SMPD4: variants seen among roughly 807,000 people sequenced by gnomAD.
SMPD4 encodes the protein neutral sphingomyelinase 3.
SMPD4 carries 58 observed loss-of-function variants against 97.8 expected under a neutral mutation model. The ratio of observed to expected loss-of-function variants is 0.59; its 90% CI spans 0.48 to 0.74. The LOEUF (loss-of-function observed/expected upper bound fraction) is 0.74. Among genes scored for constraint, SMPD4 ranks in the 30% least tolerant of loss-of-function variants. The probability of loss-of-function intolerance (pLI) is 0.00; values close to 1 mark genes in which losing one functional copy is unlikely to be tolerated. For synonymous variants in SMPD4, 388 were observed against 450.0 expected (o/e 0.86, Z 1.74); for missense variants, 853 against 1,080.5 (o/e 0.79, Z 2.95).
rs895991063 is a variant in SMPD4, at chr2:130,174,458, C to T, written c.126+456G>A. Reference sequence around the variant, plus strand: ...GGTATTAACTCCTTGTCTAGGCCAGCTTCCTGGGCTTGACAATTCCAGGTG... The same window carrying T: ...GGTATTAACTCCTTGTCTAGGCCAGTTTCCTGGGCTTGACAATTCCAGGTG... On this transcript the variant is annotated intron_variant, in intron 3 of 19. Transcript: ENST00000680298. Among the ~76,000 whole-genome samples the T allele has an allele frequency of 7.9e-5, 12 of 152,228 alleles. 1 individual carries two copies. Among genetic ancestry groups the T allele is most frequent in the African/African-American group, 2.9e-4 (12 of 41,460 alleles).
intron 15 of SMPD4, 124 bp from the exon 16 acceptor site, chr2:130,154,606 G>T: frequency 7.5e-7 from 1 of 1,338,188 alleles, no homozygotes; most frequent in Non-Finnish European, 1.0e-6. Context: ...GTCCTCCTGA[G>T]GCCCTGCCTG....
chr2:130,178,458 G>A (rs1689174760), intron 1 of SMPD4, among the ~76,000 whole-genome samples: 1 of 152,186 alleles, frequency 6.6e-6, no homozygotes, highest in Non-Finnish European at 1.5e-5. Context: ...CGGAGGGGAA[G>A]AGCAAGCTCT....
chr2:130,175,884 G>A (rs1459174651), intron 2 of SMPD4, among the ~76,000 whole-genome samples: 1 of 152,156 alleles, frequency 6.6e-6, no homozygotes, highest in Non-Finnish European at 1.5e-5. Context: ...GGTGCACTGA[G>A]GAAGAATGTC....
rs187574477 is a variant in SMPD4 at position 130,157,431 on chromosome 2, G to A, written c.952-35C>T. On this transcript the variant is annotated intron_variant, in intron 11 of 19. Coordinates refer to ENST00000680298, the MANE Select transcript of SMPD4 (RefSeq NM_017951.5). ...GAAGGAGGGGTGAGGGCCTGGGAAG[G>A]AGCGTGGCACCCATAGCACTCCGCC... is the stretch of plus-strand genomic sequence containing the variant. 3.1e-6 allele frequency: 5 copies of A among 1,610,552 alleles called. No individual in the cohort carries two copies. The Admixed American group carries it at 5.0e-5, about 16-fold the overall frequency.
In SMPD4 at chr2:130,154,263, G is replaced by A. The variant is rs761795800; in HGVS notation, c.1659+14C>T. The A allele has an allele frequency of 1.4e-5, 22 of 1,577,666 alleles. No homozygotes were observed. In the Middle Eastern group the frequency reaches 6.9e-4, roughly 50 times the overall value. ...TCCAGGGGCCCTGAGGACAGGCACCGCCGAACCACTCACCAGGGTGCGGGC... is the reference window on the plus strand; with the variant it reads ...TCCAGGGGCCCTGAGGACAGGCACCACCGAACCACTCACCAGGGTGCGGGC... On this transcript the variant is annotated intron_variant, in intron 16 of 19. Coordinates refer to ENST00000680298, the MANE Select transcript of SMPD4 (RefSeq NM_017951.5).
rs1686274223 is a variant in SMPD4 at position 130,151,805 on chromosome 2, C to T, written c.*750G>A. The T allele has an allele frequency of 6.6e-6, 1 of 151,282 alleles. No individual in the cohort carries two copies. The highest frequency in any genetic ancestry group is 2.1e-4 in the South Asian group (1 of 4,744). 9.4% of individuals were successfully genotyped at this position (151,282 alleles called of 1,614,324 possible). On this transcript the variant is annotated 3_prime_UTR_variant, in exon 20 of 20. Transcript: ENST00000680298. ...GAGCAGAAACTGGCAGAATCCGACCCCATCGACCCAGCAGTGTCCCCAACG... is the reference window on the plus strand; with the variant it reads ...GAGCAGAAACTGGCAGAATCCGACCTCATCGACCCAGCAGTGTCCCCAACG...
At position 130,172,385 on chromosome 2, in the gene SMPD4, G is replaced by A; in HGVS notation, c.623C>T (p.Ser208Phe). ...TEGSVPPPLS[S>F]SPGGTSPSPP... ...TGAGGGGCTGGTCCCCCCTGGGCTGGAGGAGAGTGGTGGGGGCACACTGCC... is the reference window on the plus strand; with the variant it reads ...TGAGGGGCTGGTCCCCCCTGGGCTGAAGGAGAGTGGTGGGGGCACACTGCC... The change falls in exon 8 of 20, where the codon TCC becomes TTC. Residue 208 changes from serine (S) to phenylalanine (F), a missense_variant. Around this residue, in one of 3 missense-constraint regions of SMPD4, gnomAD observed 313 missense variants for 402.2 expected, o/e 0.78. Coordinates refer to ENST00000680298, the MANE Select transcript of SMPD4 (RefSeq NM_017951.5). 3.7e-6 allele frequency: 6 copies of A among 1,609,394 alleles called. No homozygotes were observed. The highest frequency in any genetic ancestry group is 5.1e-6 in the Non-Finnish European group (6 of 1,177,990).
intron 14 of SMPD4, among the ~76,000 whole-genome samples, chr2:130,155,554 C>G (rs370213447): frequency 2.0e-5 from 3 of 152,084 alleles, no homozygotes; most frequent in East Asian, 3.9e-4. Flanking sequence ...TGAGGGGGCT[C>G]AGGGAGGATC....
At chr2:130,155,912 G>A in intron 14 of SMPD4, 123 bp downstream of exon 14, 1 of 914,532 alleles carries the variant, frequency 1.1e-6, no homozygotes, top group South Asian at 1.6e-5. Context: ...GAGGACTTCA[G>A]GAGGCCACGG....
intron 11 of SMPD4, among the ~76,000 whole-genome samples, chr2:130,160,270 G>A (rs1361054057): frequency 6.6e-6 from 1 of 152,202 alleles, no homozygotes; most frequent in Non-Finnish European, 1.5e-5. Flanking sequence ...TGCGGAATGA[G>A]GTGCCCCTGT....
At chr2:130,179,547 C>A (rs541567015) in intron 1 of SMPD4, among the ~76,000 whole-genome samples, 1 of 152,052 alleles carries the variant, frequency 6.6e-6, no homozygotes, top group Non-Finnish European at 1.5e-5. Context: ...CCACCACAGG[C>A]TGCCTAATTT....
intron 1 of SMPD4, among the ~76,000 whole-genome samples, chr2:130,177,707 A>AAG (rs1689105065): frequency 6.6e-6 from 1 of 152,028 alleles, no homozygotes; most frequent in East Asian, 1.9e-4. Flanking sequence ...AAAAAAAAAA[A>AAG]AGAAAAAAAG....
intron 10 of SMPD4, among the ~76,000 whole-genome samples, chr2:130,162,047 C>G (rs2104842856): frequency 6.6e-6 from 1 of 152,346 alleles, no homozygotes; most frequent in East Asian, 1.9e-4. Context: ...CCCTCATAGT[C>G]TGGACGTCAG....
At position 130,154,893 on chromosome 2, in the gene SMPD4, C is replaced by G. The variant is rs1176530951; in HGVS notation, c.1453+203G>C. The stretch of plus-strand genomic sequence containing the variant: ...CACACCTGCGATCCCCCACCCAGTG[C>G]CTGGTGGCTGCAGGGCAGGCAGGAT... On this transcript the variant is annotated intron_variant, in intron 15 of 19. Coordinates refer to ENST00000680298, the MANE Select transcript of SMPD4 (RefSeq NM_017951.5). The G allele has an allele frequency of 1.1e-5, 8 of 711,176 alleles. No homozygotes were observed. The African/African-American group carries it at 1.4e-4, about 13-fold the overall frequency. 44.1% of individuals were successfully genotyped at this position (711,176 alleles called of 1,614,324 possible). A position where few individuals can be genotyped will look rare whatever the true frequency, so the allele number is the denominator to read the frequency against.
At chr2:130,170,378 T>C (rs550024198) in intron 8 of SMPD4, among the ~76,000 whole-genome samples, 1 of 144,432 alleles carries the variant, frequency 6.9e-6, no homozygotes, top group South Asian at 2.2e-4. Context: ...TCCCAGCTAC[T>C]TGGGACTGAG....
At position 130,152,638 on chromosome 2, in the gene SMPD4, T is replaced by A; in HGVS notation, c.2401A>T (p.Thr801Ser). Reference sequence around the variant, plus strand: ...ACATAGCCCAGGGTGAGCAGCAGCGTGCATGGGAGGGGCCCGACGCAGAAC... The same window carrying A: ...ACATAGCCCAGGGTGAGCAGCAGCGAGCATGGGAGGGGCCCGACGCAGAAC... ...SLFCVGPLPC[T>S]LLLTLGYVLY... Residue 801 changes from threonine to serine, a missense_variant, in exon 20 of 20, where the codon ACG becomes TCG. Physicochemically the swap from Thr to Ser is moderately conservative, Grantham distance 58. Transcript: ENST00000680298. 6.4e-7 allele frequency: 1 copy of A among 1,559,610 alleles called. No individual in the cohort carries two copies. Among genetic ancestry groups the A allele is most frequent in the Non-Finnish European group, 8.7e-7 (1 of 1,152,644 alleles).
chr2:130,153,513 C>T, intron 17 of SMPD4, 63 bp from the exon 18 acceptor site: 1 of 1,601,180 alleles, frequency 6.2e-7, no homozygotes, highest in Non-Finnish European at 8.5e-7. Flanking sequence ...AGTCTTCACC[C>T]CACCAGCCTA....
At chr2:130,180,751 C>G (rs1276607442) in intron 1 of SMPD4, among the ~76,000 whole-genome samples, 4 of 152,212 alleles carry the variant, frequency 2.6e-5, no homozygotes, top group Admixed American at 1.3e-4. Flanking sequence ...TCAGAAGAAG[C>G]TTTCATGGGC....
chr2:130,163,422 T>A (rs1687619239), intron 10 of SMPD4, among the ~76,000 whole-genome samples: 1 of 152,254 alleles, frequency 6.6e-6, no homozygotes, highest in Admixed American at 6.5e-5. Context: ...GCCATGGAAC[T>A]GGCTGCAGAC....
Sources: allele counts gnomAD v4.1 joint callset (sites outside exome capture counted in the v4.1 genomes callset), GRCh38; gene constraint gnomAD v4.1.1; regional missense constraint gnomAD v4.1.1; transcripts MANE v1.5; gene names NCBI Gene and HGNC (gene_info 2026-07-23, HGNC 2026-07-21).